Variants in KPNB1 observed in about 807,000 individuals in gnomAD.
KPNB1 encodes importin subunit beta-1.
KPNB1 carries 7 observed loss-of-function variants against 113.0 expected under a neutral mutation model. The ratio of observed to expected loss-of-function variants is 0.06; its 90% CI spans 0.04 to 0.12. The LOEUF (loss-of-function observed/expected upper bound fraction) is 0.12, where lower values mean the gene tolerates loss of function less well. KPNB1 is among the 10% of genes least tolerant of loss of function. KPNB1 has a pLI of 1.00. For missense variants in KPNB1, 400 were observed against 1,054.8 expected (o/e 0.38, Z 8.60); for synonymous variants, 363 against 378.6 (o/e 0.96, Z 0.48).
Position 47,681,265 on chromosome 17 carries a change from CT to C in KPNB1, c.2630+613del, listed in dbSNP as rs535906429. Among the ~76,000 whole-genome samples the C allele has an allele frequency of 4.8e-3, 586 of 122,654 alleles. 4 individuals carry two copies. The highest frequency in any genetic ancestry group is 0.012 in the African/African-American group (400 of 32,976). The allele number at this position is 122,654 out of a possible 152,430, so 80.5% of individuals were successfully genotyped here. A position where few individuals can be genotyped will look rare whatever the true frequency, so the allele number is the denominator to read the frequency against. On this transcript the variant is annotated intron_variant, in intron 21 of 21. Transcript: ENST00000290158. The stretch of plus-strand genomic sequence containing the variant: ...TCTTTTTTTCTTTTCTTTTCTTCTT[CT>C]TTTTTTTTTTTTTTTTCTTTTGGAG...
intron 9 of KPNB1, 28 bp from the exon 10 acceptor site, chr17:47,668,158 C>G (rs763300229): frequency 1.9e-6 from 3 of 1,585,434 alleles, no homozygotes; most frequent in Non-Finnish European, 2.6e-6. Context: ...TGGACAAAAT[C>G]TTAACTAGTG....
At chr17:47,677,801 C>T (rs1033574782) in intron 17 of KPNB1, among the ~76,000 whole-genome samples, 3 of 152,148 alleles carry the variant, frequency 2.0e-5, no homozygotes, top group Admixed American at 2.0e-4. Flanking sequence ...AATTATTGTA[C>T]ATGTGTGTTC....
intron 9 of KPNB1, among the ~76,000 whole-genome samples, chr17:47,666,394 TTGTGTGTGTGTG>T (rs140549997): frequency 2.1e-5 from 3 of 139,654 alleles, no homozygotes; most frequent in Non-Finnish European, 4.6e-5. Context: ...GTCTTTACTT[TTGTGTGTGTGTG>T]TGTGTGTGTG....
chr17:47,667,609 G>A (rs1237146873), intron 9 of KPNB1, among the ~76,000 whole-genome samples: 2 of 150,458 alleles, frequency 1.3e-5, no homozygotes, highest in Non-Finnish European at 3.0e-5. Context: ...ACAGGCTGGA[G>A]CACAGTGGCA....
chr17:47,681,686 GTTTT>G (rs59222945), intron 21 of KPNB1, among the ~76,000 whole-genome samples: 10 of 96,034 alleles, frequency 1.0e-4, no homozygotes, highest in Non-Finnish European at 1.9e-4. Flanking sequence ...GGAATTATAG[GTTTT>G]TTTTTTTTTT....
chr17:47,673,801 A>G lies in KPNB1; in HGVS notation c.1767+240A>G, dbSNP rs894065433. On this transcript the variant is annotated intron_variant, in intron 14 of 21. Coordinates refer to ENST00000290158, the MANE Select transcript of KPNB1 (RefSeq NM_002265.6). ...TACAGATGGTCTAGATGTAATCTTG[A>G]TAAAATCAAACCAACTTGACTTCTC... is the stretch of plus-strand genomic sequence containing the variant. 5 of 497,240 alleles carry G rather than the reference A, an allele frequency of 1.0e-5. No homozygotes were observed. In the Admixed American group the frequency reaches 1.0e-4, roughly 10 times the overall value. 30.8% of individuals were successfully genotyped at this position (497,240 alleles called of 1,614,324 possible). A position where few individuals can be genotyped will look rare whatever the true frequency, so the allele number is the denominator to read the frequency against.
At position 47,649,933 on chromosome 17, in the gene KPNB1, C is replaced by A. The variant is rs1360843436; in HGVS notation, c.-312C>A. On this transcript the variant is annotated 5_prime_UTR_variant, in exon 1 of 22. Transcript: ENST00000290158. Reference sequence around the variant, plus strand: ...CCTCCCTCGCTCCCTCCCTGCGCGCCGCCTCTCACTCACAGCCTCCCTTCC... The same window carrying A: ...CCTCCCTCGCTCCCTCCCTGCGCGCAGCCTCTCACTCACAGCCTCCCTTCC... 3.9e-6 allele frequency: 5 copies of A among 1,285,604 alleles called. No individual in the cohort carries two copies. Among genetic ancestry groups the A allele is most frequent in the Non-Finnish European group, 4.9e-6 (5 of 1,017,698 alleles). 79.6% of individuals were successfully genotyped at this position (1,285,604 alleles called of 1,614,324 possible). A position where few individuals can be genotyped will look rare whatever the true frequency, so the allele number is the denominator to read the frequency against.
intron 21 of KPNB1, among the ~76,000 whole-genome samples, 158 bp from the exon 22 acceptor site, chr17:47,682,246 G>A (rs1361208542): frequency 6.6e-6 from 1 of 152,214 alleles, no homozygotes; most frequent in Non-Finnish European, 1.5e-5. Context: ...ATAAGAGCAG[G>A]TCAATGGCAC....
At position 47,682,753 on chromosome 17, in the gene KPNB1, G is replaced by A. The variant is rs759791968; in HGVS notation, c.*349G>A. The A allele has an allele frequency of 5.7e-5, 17 of 299,712 alleles. No individual in the cohort carries two copies. Among genetic ancestry groups the A allele is most frequent in the Non-Finnish European group, 9.4e-5 (15 of 158,924 alleles). The allele number at this position is 299,712 out of a possible 1,614,324, so 18.6% of individuals were successfully genotyped here. ...GCTTTTCTGTCTTTTGGCCAGTGCC[G>A]AGTGGAATGCCTGGTTTGGGGGAGG... On this transcript the variant is annotated 3_prime_UTR_variant, in exon 22 of 22. Coordinates refer to ENST00000290158, the MANE Select transcript of KPNB1 (RefSeq NM_002265.6).
At chr17:47,659,056 AG>A (rs1022323713) in intron 5 of KPNB1, among the ~76,000 whole-genome samples, 1 of 152,184 alleles carries the variant, frequency 6.6e-6, no homozygotes, top group African/African-American at 2.4e-5. Flanking sequence ...CTTAAAAAAA[AG>A]AAAGGAATAG....
chr17:47,681,067 G>A (rs1040480252), intron 21 of KPNB1, among the ~76,000 whole-genome samples: 2 of 151,748 alleles, frequency 1.3e-5, no homozygotes, highest in African/African-American at 4.8e-5. Flanking sequence ...GTGTGTGTGT[G>A]TGTGTGTGTG....
chr17:47,650,041 G>T lies in KPNB1; in HGVS notation c.-204G>T. 1 of 1,362,052 alleles carries T rather than the reference G, an allele frequency of 7.3e-7. No homozygotes were observed. The highest frequency in any genetic ancestry group is 9.4e-7 in the Non-Finnish European group (1 of 1,063,452). The allele number at this position is 1,362,052 out of a possible 1,614,324, so 84.4% of individuals were successfully genotyped here. A position where few individuals can be genotyped will look rare whatever the true frequency, so the allele number is the denominator to read the frequency against. The stretch of plus-strand genomic sequence containing the variant: ...TCCCCCGCCGCCAGCAGCCCATTTG[G>T]AGGGAGGAAGTAAGGGAAGAGGAGA... On this transcript the variant is annotated 5_prime_UTR_variant, in exon 1 of 22. Coordinates refer to ENST00000290158, the MANE Select transcript of KPNB1 (RefSeq NM_002265.6).
intron 2 of KPNB1, chr17:47,651,307 G>A (rs188571646): frequency 1.0e-6 from 1 of 985,176 alleles, no homozygotes; most frequent in East Asian, 1.1e-4. Flanking sequence ...GTTTCTCTTT[G>A]GTGTCCATCT....
At chr17:47,664,634 A>G (rs1359994176) in intron 8 of KPNB1, among the ~76,000 whole-genome samples, 1 of 152,226 alleles carries the variant, frequency 6.6e-6, no homozygotes, top group Non-Finnish European at 1.5e-5. Context: ...CTGGTGAAAG[A>G]GTCAGATATG....
chr17:47,680,196 G>A lies in KPNB1; in HGVS notation c.2468+62G>A, dbSNP rs557456932. 1.6e-3 allele frequency: 1,924 copies of A among 1,186,684 alleles called. 44 individuals carry two copies. The South Asian group carries it at 0.023, about 14-fold the overall frequency. 73.5% of individuals were successfully genotyped at this position (1,186,684 alleles called of 1,614,324 possible). A position where few individuals can be genotyped will look rare whatever the true frequency, so the allele number is the denominator to read the frequency against. ...TTCTCACAGAAAATGAGAAAACATG[G>A]AGTAAGGAGTTTTGAGAGTATCGCG... On this transcript the variant is annotated intron_variant, in intron 20 of 21. Coordinates refer to ENST00000290158, the MANE Select transcript of KPNB1 (RefSeq NM_002265.6).
intron 3 of KPNB1, among the ~76,000 whole-genome samples, chr17:47,655,626 T>G (rs1282322282): frequency 6.6e-6 from 1 of 152,206 alleles, no homozygotes; most frequent in Non-Finnish European, 1.5e-5. Flanking sequence ...TTGGATCAGA[T>G]TAGACAGTGA....
chr17:47,650,574 T>TCCCCCCTCCCCCTC, intron 2 of KPNB1, 130 bp downstream of exon 2: 2 of 497,052 alleles, frequency 4.0e-6, no homozygotes, highest in South Asian at 4.2e-5. Context: ...CCCCTCCCCC[T>TCCCCCCTCCCCCTC]CCCCCCCCAA....
chr17:47,676,708 T>C (rs757654360), intron 16 of KPNB1, among the ~76,000 whole-genome samples: 11 of 151,784 alleles, frequency 7.2e-5, no homozygotes, highest in Non-Finnish European at 1.6e-4. Flanking sequence ...ATATTAGATG[T>C]AACAGATAAT....
Position 47,682,603 on chromosome 17 carries a change from C to CTAAG in KPNB1, c.*204_*207dup, listed in dbSNP as rs2030817788. 1.7e-6 allele frequency: 1 copy of CTAAG among 597,294 alleles called. No individual in the cohort carries two copies. The highest frequency in any genetic ancestry group is 3.0e-6 in the Non-Finnish European group (1 of 333,176). The allele number at this position is 597,294 out of a possible 1,614,324, so 37.0% of individuals were successfully genotyped here. On this transcript the variant is annotated 3_prime_UTR_variant, in exon 22 of 22. Coordinates refer to ENST00000290158, the MANE Select transcript of KPNB1 (RefSeq NM_002265.6). The stretch of plus-strand genomic sequence containing the variant: ...CGCCAACAGCAGCGCTGTTAGTGAG[C>CTAAG]TAAGTAAGCACTGACTTCGTAGAAA...
Sources: allele counts gnomAD v4.1 joint callset (sites outside exome capture counted in the v4.1 genomes callset), GRCh38; gene constraint gnomAD v4.1.1; transcripts MANE v1.5; gene names NCBI Gene and HGNC (gene_info 2026-07-23, HGNC 2026-07-21).